Variants in CACNA1A observed in about 807,000 individuals in gnomAD.
CACNA1A encodes the protein voltage-dependent P/Q-type calcium channel subunit alpha-1A.
In CACNA1A, 57 loss-of-function variants were observed where a neutral mutation model predicts 262.4. The observed-to-expected ratio is 0.22, with a 90% CI of 0.18 to 0.27. The LOEUF (loss-of-function observed/expected upper bound fraction) is 0.27, where lower values mean the gene tolerates loss of function less well. CACNA1A is among the 10% of genes least tolerant of loss of function. CACNA1A has a pLI of 1.00. For missense variants in CACNA1A, 2,526 were observed against 3,562.8 expected (o/e 0.71, Z 7.41); for synonymous variants, 1,431 against 1,419.3 (o/e 1.01, Z -0.18).
chr19:13,367,681 T>C (rs1182541482), intron 4 of CACNA1A, among the ~76,000 whole-genome samples: 2 of 151,860 alleles, frequency 1.3e-5, no homozygotes, highest in Non-Finnish European at 2.9e-5. Flanking sequence ...TGAGCTGAGA[T>C]CACGCCATTG....
At chr19:13,337,697 T>C (rs4926152) in intron 6 of CACNA1A, among the ~76,000 whole-genome samples, 102,939 of 151,706 alleles carry the variant, frequency 0.68, 35,041 homozygotes, top group Admixed American at 0.75. Context: ...AGAGTTTCTA[T>C]GCTAAAATTA....
Position 13,367,554 on chromosome 19 carries a change from C to T in CACNA1A, c.632-2085G>A, listed in dbSNP as rs538360989. Among the ~76,000 whole-genome samples, 11 of 152,012 alleles carry T rather than the reference C, an allele frequency of 7.2e-5. No homozygotes were observed. The South Asian group carries it at 1.9e-3, about 26-fold the overall frequency. ...CATCCTGGCTAATATGGTGAAACCCCGTCTCTACTAAAAATACAAAAAAAT... is the reference window on the plus strand; with the variant it reads ...CATCCTGGCTAATATGGTGAAACCCTGTCTCTACTAAAAATACAAAAAAAT... On this transcript the variant is annotated intron_variant, in intron 4 of 46. Coordinates refer to ENST00000360228, the MANE Select transcript of CACNA1A (RefSeq NM_001127222.2).
At chr19:13,392,912 A>C (rs1348464471) in intron 3 of CACNA1A, among the ~76,000 whole-genome samples, 1 of 152,074 alleles carries the variant, frequency 6.6e-6, no homozygotes, top group African/African-American at 2.4e-5. Context: ...ATGCTCGGCT[A>C]ATCTTTGTAT....
In CACNA1A at chr19:13,298,617, G is replaced by T. The variant is rs757026025; in HGVS notation, c.3016C>A (p.Arg1006=). ...TCGTACGTGGCTGGAGCGCCATGCC[G>T]GTGCCTTCTCCTGCGCTCGCCCCCG... ...PDGGERRRRH[R]HGAPATYEGD... The change falls in exon 19 of 47, where the codon CGG becomes AGG. Residue 1006 remains arginine (R), a synonymous_variant. Transcript: ENST00000360228. 2.0e-6 allele frequency: 3 copies of T among 1,535,112 alleles called. No homozygotes were observed. Among genetic ancestry groups the T allele is most frequent in the Non-Finnish European group, 1.8e-6 (2 of 1,139,626 alleles).
intron 1 of CACNA1A, among the ~76,000 whole-genome samples, chr19:13,475,979 C>T (rs1008336832): frequency 6.6e-6 from 1 of 152,096 alleles, no homozygotes; most frequent in African/African-American, 2.4e-5. Context: ...TTATATGAGG[C>T]TATATAAGGA....
intron 3 of CACNA1A, among the ~76,000 whole-genome samples, chr19:13,389,429 G>A (rs2059674642): frequency 6.6e-6 from 1 of 152,102 alleles, no homozygotes; most frequent in Non-Finnish European, 1.5e-5. Flanking sequence ...ATGGATGCCT[G>A]GGGACATAAG....
In CACNA1A at chr19:13,227,477, G is replaced by A. The variant is rs1266420071; in HGVS notation, c.5579C>T (p.Pro1860Leu). 1 of 1,609,650 alleles carries A rather than the reference G, an allele frequency of 6.2e-7. No individual in the cohort carries two copies. The highest frequency in any genetic ancestry group is 8.5e-7 in the Non-Finnish European group (1 of 1,177,074). The part of the protein sequence containing the change: ...DMYQMLRHMS[P>L]PLGLGKKCPA... ...ACACTTCTTCCCCAGACCCAGGGGC[G>A]GAGACATGTGTCTCAGCATCTGATA... Residue 1860 changes from proline (P) to leucine (L), a missense_variant, in exon 37 of 47, where the codon CCG becomes CTG. Transcript: ENST00000360228.
At chr19:13,332,812 C>T (rs2058489291) in intron 9 of CACNA1A, 57 bp downstream of exon 9, 2 of 1,202,386 alleles carry the variant, frequency 1.7e-6, no homozygotes, top group Admixed American at 1.7e-5. Context: ...GACTCCCCAC[C>T]ACAGCTTCTC....
intron 30 of CACNA1A, among the ~76,000 whole-genome samples, chr19:13,252,361 A>G (rs577384134): frequency 1.2e-4 from 18 of 151,502 alleles, no homozygotes; most frequent in Non-Finnish European, 2.4e-4. Flanking sequence ...GGCATGAGCC[A>G]CTGTGCTCAG....
intron 24 of CACNA1A, chr19:13,273,105 C>A (rs2144820318): frequency 6.6e-6 from 1 of 152,226 alleles, no homozygotes; most frequent in African/African-American, 2.4e-5. Flanking sequence ...GCTGGGATTA[C>A]AGGCATCCGC....
intron 1 of CACNA1A, among the ~76,000 whole-genome samples, chr19:13,504,982 A>T (rs139871518): frequency 2.8e-3 from 424 of 152,190 alleles, no homozygotes; most frequent in African/African-American, 9.8e-3. Flanking sequence ...AAAAAAATTT[A>T]AAAGGCATTT....
intron 1 of CACNA1A, among the ~76,000 whole-genome samples, chr19:13,455,703 C>T (rs2060993383): frequency 6.6e-6 from 1 of 151,862 alleles, no homozygotes; most frequent in African/African-American, 2.4e-5. Context: ...GTCAGGGCTG[C>T]AATTTCAAAT....
At chr19:13,231,333 T>G (rs1425245661) in intron 35 of CACNA1A, among the ~76,000 whole-genome samples, 1 of 151,966 alleles carries the variant, frequency 6.6e-6, no homozygotes, top group Non-Finnish European at 1.5e-5. Context: ...TCATTGAGTC[T>G]CAAATGGGGG....
rs186775460 is a variant in CACNA1A at position 13,462,696 on chromosome 19, C to A, written c.294-7484G>T. Among the ~76,000 whole-genome samples, 120 of 152,312 alleles carry A rather than the reference C, an allele frequency of 7.9e-4. 1 individual carries two copies. The highest frequency in any genetic ancestry group is 2.9e-3 in the Admixed American group (44 of 15,298). On this transcript the variant is annotated intron_variant, in intron 1 of 46. Transcript: ENST00000360228. ...GAGATTAAACAAATTTTCAAGGTCACATAGGAGGTACTGGCAGAGCTGGGG... is the reference window on the plus strand; with the variant it reads ...GAGATTAAACAAATTTTCAAGGTCAAATAGGAGGTACTGGCAGAGCTGGGG...
intron 3 of CACNA1A, among the ~76,000 whole-genome samples, chr19:13,446,201 G>A (rs985048454): frequency 1.3e-5 from 2 of 149,488 alleles, no homozygotes; most frequent in African/African-American, 5.0e-5. Context: ...CTGGAACCCA[G>A]GAGGTGGAGG....
intron 38 of CACNA1A, among the ~76,000 whole-genome samples, chr19:13,220,648 C>T (rs1258937493): frequency 6.6e-6 from 1 of 152,156 alleles, no homozygotes; most frequent in Non-Finnish European, 1.5e-5. Flanking sequence ...GGACTGTGAG[C>T]TGACAAATAG....
At chr19:13,485,784 A>T (rs948859189) in intron 1 of CACNA1A, among the ~76,000 whole-genome samples, 5 of 152,232 alleles carry the variant, frequency 3.3e-5, no homozygotes, top group African/African-American at 1.2e-4. Flanking sequence ...AATTAGCACA[A>T]GCACTTTGGA....
chr19:13,262,758 G>A lies in CACNA1A; in HGVS notation c.4065C>T (p.Thr1355=). 6.2e-7 allele frequency: 1 copy of A among 1,612,918 alleles called. No individual in the cohort carries two copies. Among genetic ancestry groups the A allele is most frequent in the African/African-American group, 1.3e-5 (1 of 74,998 alleles). ...RVLRVLRPLK[T]IKRLPKLKAV... ...CCTTGAGCTTTGGCAGCCGCTTGAT[G>A]GTTTTAAGAGGTCGTAGCACCCGGA... The change falls in exon 25 of 47, where the codon ACC becomes ACT. Residue 1355 remains threonine (T), a synonymous_variant. Transcript: ENST00000360228.
chr19:13,298,443 A>G lies in CACNA1A; in HGVS notation c.3089+101T>C, dbSNP rs1266324528. 9 of 1,163,000 alleles carry G rather than the reference A, an allele frequency of 7.7e-6. No individual in the cohort carries two copies. In the Admixed American group the frequency reaches 1.3e-4, roughly 16 times the overall value. The allele number at this position is 1,163,000 out of a possible 1,614,324, so 72.0% of individuals were successfully genotyped here. A position where few individuals can be genotyped will look rare whatever the true frequency, so the allele number is the denominator to read the frequency against. Reference sequence around the variant, plus strand: ...TGCGCCTGGCCAAATACAGCATTTTATAATATATTTTTATAAACAAATACA... The same window carrying G: ...TGCGCCTGGCCAAATACAGCATTTTGTAATATATTTTTATAAACAAATACA... On this transcript the variant is annotated intron_variant, in intron 19 of 46. Coordinates refer to ENST00000360228, the MANE Select transcript of CACNA1A (RefSeq NM_001127222.2).
Sources: gnomAD v4.1 joint callset for allele counts (sites outside exome capture counted in the v4.1 genomes callset) on GRCh38, gnomAD v4.1.1 for gene constraint, MANE v1.5 for transcripts, NCBI Gene and HGNC (gene_info 2026-07-23, HGNC 2026-07-21) for gene names.